The following PCSK2 variants were observed in gnomAD, a reference collection of about 807,000 sequenced individuals.
PCSK2 encodes neuroendocrine convertase 2.
PCSK2 carries 14 observed loss-of-function variants against 69.7 expected under a neutral mutation model. The ratio of observed to expected loss-of-function variants is 0.20; its 90% CI spans 0.13 to 0.31. The LOEUF (loss-of-function observed/expected upper bound fraction) is 0.31. Ranked by LOEUF, PCSK2 falls within the 10% of genes least tolerant of loss-of-function variation. PCSK2 has a pLI of 1.00. For synonymous variants in PCSK2, 307 were observed against 320.7 expected (o/e 0.96, Z 0.46); for missense variants, 544 against 842.5 (o/e 0.65, Z 4.39).
rs780550799 is a variant in PCSK2, at chr20:17,260,189, T to C, written c.178-51T>C. On this transcript the variant is annotated intron_variant, in intron 1 of 11. Transcript: ENST00000262545. ...GCCCCAGCTTTGGTGTCCCTGTCCCTGGGCCAACCCCAGAAGCTAACTATG... is the reference window on the plus strand; with the variant it reads ...GCCCCAGCTTTGGTGTCCCTGTCCCCGGGCCAACCCCAGAAGCTAACTATG... The C allele has an allele frequency of 5.7e-6, 7 of 1,229,382 alleles. No individual in the cohort carries two copies. In the East Asian group the frequency reaches 7.0e-5, roughly 12 times the overall value. The allele number at this position is 1,229,382 out of a possible 1,614,324, so 76.2% of individuals were successfully genotyped here. A position where few individuals can be genotyped will look rare whatever the true frequency, so the allele number is the denominator to read the frequency against.
intron 2 of PCSK2, among the ~76,000 whole-genome samples, chr20:17,313,271 T>G (rs1419680174): frequency 1.3e-5 from 2 of 152,104 alleles, no homozygotes; most frequent in Non-Finnish European, 2.9e-5. Flanking sequence ...CAGCCACGTT[T>G]CCAGGGCCTC....
At chr20:17,279,531 A>G (rs573596184) in intron 2 of PCSK2, among the ~76,000 whole-genome samples, 23 of 152,246 alleles carry the variant, frequency 1.5e-4, no homozygotes, top group Middle Eastern at 3.4e-3. Flanking sequence ...TGTGTGGCCC[A>G]GTGGTGGCTC....
intron 1 of PCSK2, among the ~76,000 whole-genome samples, chr20:17,249,836 TG>T (rs141064322): frequency 2.0e-4 from 31 of 151,658 alleles, no homozygotes; most frequent in South Asian, 4.2e-4. Flanking sequence ...ATTCCAGGGC[TG>T]GGGGGGGAAT....
At chr20:17,254,503 C>A (rs1015514986) in intron 1 of PCSK2, among the ~76,000 whole-genome samples, 3 of 152,138 alleles carry the variant, frequency 2.0e-5, no homozygotes, top group African/African-American at 7.2e-5. Context: ...AATCAATTGA[C>A]CATAAGTTGA....
intron 4 of PCSK2, among the ~76,000 whole-genome samples, chr20:17,363,694 A>T (rs1252844042): frequency 1.3e-5 from 2 of 152,230 alleles, no homozygotes; most frequent in Admixed American, 6.5e-5. Context: ...AGTGAGATGG[A>T]AGGCCAGCGA....
intron 5 of PCSK2, among the ~76,000 whole-genome samples, chr20:17,373,600 G>A (rs1295622539): frequency 2.0e-5 from 3 of 152,164 alleles, no homozygotes; most frequent in Non-Finnish European, 2.9e-5. Context: ...ACTCCTTGTG[G>A]TTACTGATTT....
At chr20:17,444,293 CT>C (rs1226125023) in intron 8 of PCSK2, among the ~76,000 whole-genome samples, 2 of 152,110 alleles carry the variant, frequency 1.3e-5, no homozygotes, top group African/African-American at 4.8e-5. Context: ...GGATAAGAGA[CT>C]TTTATCGGGG....
intron 2 of PCSK2, among the ~76,000 whole-genome samples, chr20:17,328,421 T>A (rs1420092391): frequency 6.7e-6 from 1 of 148,692 alleles, no homozygotes; most frequent in Non-Finnish European, 1.5e-5. Context: ...TATTATAAAA[T>A]TATACATAAT....
At chr20:17,246,460 C>T (rs1247241318) in intron 1 of PCSK2, among the ~76,000 whole-genome samples, 1 of 152,126 alleles carries the variant, frequency 6.6e-6, no homozygotes, top group African/African-American at 2.4e-5. Flanking sequence ...TAATTACTCA[C>T]AATCAGTCTT....
intron 1 of PCSK2, among the ~76,000 whole-genome samples, chr20:17,235,207 A>C (rs569864930): frequency 6.6e-6 from 1 of 152,300 alleles, no homozygotes; most frequent in South Asian, 2.1e-4. Flanking sequence ...GTCGATAAAA[A>C]TAATTGAATA....
intron 10 of PCSK2, among the ~76,000 whole-genome samples, chr20:17,461,288 A>T (rs569416611): frequency 6.6e-6 from 1 of 152,358 alleles, no homozygotes; most frequent in Non-Finnish European, 1.5e-5. Context: ...TGACTCACAA[A>T]TGCATTATTT....
intron 2 of PCSK2, among the ~76,000 whole-genome samples, chr20:17,303,885 A>T (rs1410458239): frequency 1.3e-5 from 2 of 148,766 alleles, no homozygotes; most frequent in Non-Finnish European, 1.5e-5. Flanking sequence ...TGGCCTATAT[A>T]TATATTTTTA....
chr20:17,411,635 C>T (rs974793511), intron 6 of PCSK2, among the ~76,000 whole-genome samples: 3 of 152,230 alleles, frequency 2.0e-5, no homozygotes, highest in African/African-American at 7.2e-5. Flanking sequence ...CTTAAACGCC[C>T]CTGTCTGACA....
intron 9 of PCSK2, among the ~76,000 whole-genome samples, chr20:17,455,503 C>A (rs73898590): frequency 1.3e-5 from 2 of 152,160 alleles, no homozygotes; most frequent in African/African-American, 4.8e-5. Context: ...AGAATCTCTC[C>A]GTGGATTTTA....
At chr20:17,477,654 C>T (rs2123421588) in intron 11 of PCSK2, among the ~76,000 whole-genome samples, 1 of 152,118 alleles carries the variant, frequency 6.6e-6, no homozygotes. Context: ...TGTTATTTGG[C>T]AAAATATCCA....
chr20:17,447,164 G>A (rs61013631), intron 8 of PCSK2, among the ~76,000 whole-genome samples: 100,033 of 151,114 alleles, frequency 0.66, 33,443 homozygotes, highest in African/African-American at 0.75. Context: ...CCAGCTACTT[G>A]GGAGGCTGAG....
intron 2 of PCSK2, among the ~76,000 whole-genome samples, chr20:17,353,757 G>T (rs2030094988): frequency 6.6e-6 from 1 of 152,146 alleles, no homozygotes; most frequent in African/African-American, 2.4e-5. Context: ...ACCCATCAAA[G>T]GTGGACTGGA....
intron 1 of PCSK2, among the ~76,000 whole-genome samples, chr20:17,257,028 G>T (rs1460680936): frequency 1.3e-5 from 2 of 152,044 alleles, no homozygotes; most frequent in East Asian, 3.9e-4. Flanking sequence ...TCATTGATGG[G>T]CATTTGAGTT....
chr20:17,268,783 G>A (rs1265550321), intron 2 of PCSK2, among the ~76,000 whole-genome samples: 2 of 152,192 alleles, frequency 1.3e-5, no homozygotes, highest in Non-Finnish European at 2.9e-5. Flanking sequence ...GGGACAACTG[G>A]ACTAGAGAGA....
Sources: gnomAD v4.1 joint callset for allele counts (sites outside exome capture counted in the v4.1 genomes callset) on GRCh38, gnomAD v4.1.1 for gene constraint, MANE v1.5 for transcripts, NCBI Gene and HGNC (gene_info 2026-07-23, HGNC 2026-07-21) for gene names.